ZNF710: variants seen among roughly 807,000 people sequenced by gnomAD.
The protein encoded by ZNF710 is zinc finger protein 710.
In ZNF710, 13 loss-of-function variants were observed where a neutral mutation model predicts 50.6. That is an observed-to-expected ratio of 0.26 (90% CI 0.17 to 0.41). The LOEUF (loss-of-function observed/expected upper bound fraction) is 0.41, where lower values mean the gene tolerates loss of function less well. ZNF710 is among the 10% of genes least tolerant of loss of function. ZNF710 has a pLI of 1.00. For missense variants in ZNF710, 721 were observed against 936.6 expected (o/e 0.77, Z 3.01); for synonymous variants, 383 against 397.0 (o/e 0.96, Z 0.42).
intron 1 of ZNF710, among the ~76,000 whole-genome samples, chr15:90,024,255 T>C (rs1207152190): frequency 6.6e-6 from 1 of 152,192 alleles, no homozygotes; most frequent in African/African-American, 2.4e-5. Flanking sequence ...CCTTATTTCA[T>C]TGGCCATCTT....
chr15:90,020,935 A>G (rs1002913164), intron 1 of ZNF710, among the ~76,000 whole-genome samples: 1 of 151,490 alleles, frequency 6.6e-6, no homozygotes, highest in Non-Finnish European at 1.5e-5. Context: ...GCAGGGGTCC[A>G]TTTGTGATAG....
chr15:90,054,772 A>T (rs983173553), intron 1 of ZNF710, among the ~76,000 whole-genome samples: 2 of 152,302 alleles, frequency 1.3e-5, no homozygotes, highest in East Asian at 3.9e-4. Flanking sequence ...AGGATAGTGT[A>T]CTTGTTTGGG....
At chr15:90,008,441 C>CATATATATATACGTATAT (rs1898202334) in intron 1 of ZNF710, among the ~76,000 whole-genome samples, 2 of 126,512 alleles carry the variant, frequency 1.6e-5, no homozygotes, top group African/African-American at 7.6e-5. Flanking sequence ...TATATATATA[C>CATATATATATACGTATAT]ATATATATAT....
chr15:90,077,318 A>C (rs1190364535), intron 4 of ZNF710, among the ~76,000 whole-genome samples: 1 of 136,672 alleles, frequency 7.3e-6, no homozygotes, highest in East Asian at 2.1e-4. Context: ...ATCTCGGCTC[A>C]CTGCAAGCTC....
At chr15:90,015,889 G>A (rs1898441788) in intron 1 of ZNF710, among the ~76,000 whole-genome samples, 2 of 152,194 alleles carry the variant, frequency 1.3e-5, no homozygotes, top group African/African-American at 4.8e-5. Context: ...GATTACAGGC[G>A]TGAGTCACCG....
At chr15:90,050,936 A>G (rs1036863545) in intron 1 of ZNF710, among the ~76,000 whole-genome samples, 2 of 152,144 alleles carry the variant, frequency 1.3e-5, no homozygotes, top group African/African-American at 4.8e-5. Context: ...GATAGGAACA[A>G]TAATAATAGC....
intron 1 of ZNF710, among the ~76,000 whole-genome samples, chr15:90,001,902 G>C (rs1898021084): frequency 7.1e-6 from 1 of 139,924 alleles, no homozygotes; most frequent in African/African-American, 2.7e-5. Flanking sequence ...GGGAGAGGAG[G>C]GGGAGGGGGA....
At chr15:90,047,252 G>A (rs530817042) in intron 1 of ZNF710, among the ~76,000 whole-genome samples, 3 of 152,314 alleles carry the variant, frequency 2.0e-5, no homozygotes, top group Admixed American at 6.5e-5. Context: ...CGTAACTAAC[G>A]TGTGGCCCAG....
In ZNF710 at chr15:90,057,250, TG is replaced by T. The variant is rs573848251; in HGVS notation, c.-28-9855del. 9.9e-5 allele frequency among the ~76,000 whole-genome samples: 15 copies of T among 151,122 alleles called. No homozygotes were observed. In the South Asian group the frequency reaches 3.2e-3, roughly 32 times the overall value. ...CTTCTGTATGAACTGCCCTAGATGGTGGGGGTATGCTATGCTTGGAGGCCCA... is the reference window on the plus strand; with the variant it reads ...CTTCTGTATGAACTGCCCTAGATGGTGGGGTATGCTATGCTTGGAGGCCCA... On this transcript the variant is annotated intron_variant, in intron 1 of 4. Coordinates refer to ENST00000268154, the MANE Select transcript of ZNF710 (RefSeq NM_198526.4).
At chr15:90,066,811 C>T (rs1037029289) in intron 1 of ZNF710, among the ~76,000 whole-genome samples, 1 of 152,076 alleles carries the variant, frequency 6.6e-6, no homozygotes, top group African/African-American at 2.4e-5. Context: ...CTGTAGAACA[C>T]AATTTGAGAA....
chr15:90,013,600 T>TA (rs1365386298), intron 1 of ZNF710, among the ~76,000 whole-genome samples: 3 of 152,174 alleles, frequency 2.0e-5, no homozygotes, highest in Non-Finnish European at 2.9e-5. Flanking sequence ...TAAACCCACA[T>TA]AAGAGCCTGC....
At chr15:90,002,920 C>T (rs928433317) in intron 1 of ZNF710, among the ~76,000 whole-genome samples, 5 of 152,166 alleles carry the variant, frequency 3.3e-5, no homozygotes, top group Admixed American at 3.3e-4. Context: ...GTCGCCCAGG[C>T]TGGAGTGCAG....
chr15:90,044,068 C>T (rs1899383682), intron 1 of ZNF710, among the ~76,000 whole-genome samples: 1 of 152,128 alleles, frequency 6.6e-6, no homozygotes, highest in African/African-American at 2.4e-5. Flanking sequence ...ATGTGTAAAA[C>T]AACAACAACA....
At chr15:90,047,265 G>A (rs531577141) in intron 1 of ZNF710, among the ~76,000 whole-genome samples, 56 of 152,318 alleles carry the variant, frequency 3.7e-4, no homozygotes, top group Non-Finnish European at 6.3e-4. Context: ...TGGCCCAGGC[G>A]AGCTGCTGAG....
chr15:90,003,125 C>T (rs1299524008), intron 1 of ZNF710, among the ~76,000 whole-genome samples: 1 of 152,196 alleles, frequency 6.6e-6, no homozygotes, highest in African/African-American at 2.4e-5. Flanking sequence ...CCGCCCGCCC[C>T]GGCCTCCCAA....
In ZNF710 at chr15:90,008,429, T is replaced by TACAC. The variant is rs1567218367; in HGVS notation, c.-29+6816_-29+6817insCACA. The stretch of plus-strand genomic sequence containing the variant: ...GTATACGTGTGTGTGTGTGTGTGTA[T>TACAC]ATATATATATACATATATATATATG... On this transcript the variant is annotated intron_variant, in intron 1 of 4. Coordinates refer to ENST00000268154, the MANE Select transcript of ZNF710 (RefSeq NM_198526.4). Among the ~76,000 whole-genome samples the TACAC allele has an allele frequency of 5.1e-5, 7 of 138,540 alleles. 1 individual carries two copies. The highest frequency in any genetic ancestry group is 1.8e-4 in the African/African-American group (6 of 32,622). The allele number at this position is 138,540 out of a possible 152,430, so 90.9% of individuals were successfully genotyped here.
At chr15:90,073,712 G>T (rs555220029) in intron 3 of ZNF710, among the ~76,000 whole-genome samples, 1 of 152,282 alleles carries the variant, frequency 6.6e-6, no homozygotes, top group South Asian at 2.1e-4. Flanking sequence ...TTCTGGGCCA[G>T]GCATGGTGGT....
intron 1 of ZNF710, among the ~76,000 whole-genome samples, chr15:90,033,110 A>G (rs1292644209): frequency 1.3e-5 from 2 of 152,180 alleles, no homozygotes; most frequent in African/African-American, 2.4e-5. Flanking sequence ...GGAGCTAAAC[A>G]TAGAAAATGG....
At chr15:90,008,439 TAC>T (rs1898201464) in intron 1 of ZNF710, among the ~76,000 whole-genome samples, 1 of 140,136 alleles carries the variant, frequency 7.1e-6, no homozygotes, top group African/African-American at 2.9e-5. Context: ...TATATATATA[TAC>T]ATATATATAT....
Sources: allele counts gnomAD v4.1 joint callset (sites outside exome capture counted in the v4.1 genomes callset), GRCh38; gene constraint gnomAD v4.1.1; transcripts MANE v1.5; gene names NCBI Gene and HGNC (gene_info 2026-07-23, HGNC 2026-07-21).